The following IL16 variants were observed in gnomAD, a reference collection of about 807,000 sequenced individuals.
IL16 encodes pro-interleukin-16.
A neutral mutation model predicts 110.1 loss-of-function variants in IL16; 67 were observed. That is an observed-to-expected ratio of 0.61 (90% CI 0.50 to 0.75). IL16 has a LOEUF of 0.75. IL16 is among the 30% of genes least tolerant of loss of function. The pLI is 0.00. For missense variants in IL16, 1,545 were observed against 1,655.0 expected, an observed-to-expected ratio of 0.93 and a Z score of 1.15; for synonymous variants, 689 against 662.9, an observed-to-expected ratio of 1.04 and a Z score of -0.61.
At chr15:81,278,470 C>T (rs1442360812) in intron 6 of IL16, among the ~76,000 whole-genome samples, 1 of 152,088 alleles carries the variant, frequency 6.6e-6, no homozygotes, top group Non-Finnish European at 1.5e-5. Context: ...AAATGCAGGT[C>T]GTGTTGCATC....
In IL16 at chr15:81,306,059, C is replaced by T. The variant is rs1567048508; in HGVS notation, c.3572C>T (p.Ala1191Val). The T allele has an allele frequency of 1.9e-6, 3 of 1,614,224 alleles. No homozygotes were observed. The highest frequency in any genetic ancestry group is 2.5e-6 in the Non-Finnish European group (3 of 1,180,044). Residue 1191 changes from alanine to valine, a missense_variant, in exon 17 of 19, where the codon GCT (alanine) becomes GTT (valine). Around this residue, in one of 3 missense-constraint regions of IL16, gnomAD observed 356 missense variants for 399.3 expected, o/e 0.89. Transcript: ENST00000683961. The part of the protein sequence containing the change: ...ILRQAREPRQ[A>V]VIVTRKLTPE... ...CGCCAAGCTCGAGAGCCCAGGCAAGCTGTGATTGTCACAAGGAAGCTGACT... is the reference window on the plus strand; with the variant it reads ...CGCCAAGCTCGAGAGCCCAGGCAAGTTGTGATTGTCACAAGGAAGCTGACT...
chr15:81,290,340 T>A, intron 10 of IL16, 113 bp from the exon 11 acceptor site: 1 of 642,438 alleles, frequency 1.6e-6, no homozygotes. Flanking sequence ...GCAGAGTGGG[T>A]TGAAATAAAA....
chr15:81,283,954 G>C (rs1899315128), intron 9 of IL16, among the ~76,000 whole-genome samples: 1 of 140,890 alleles, frequency 7.1e-6, no homozygotes, highest in African/African-American at 2.7e-5. Context: ...AGTAAGCCAA[G>C]ATCGCACCAT....
At position 81,198,228 on chromosome 15, in the gene IL16, C is replaced by G. The variant is rs1192172185; in HGVS notation, c.-102+1076C>G. Among the ~76,000 whole-genome samples, 5 of 152,276 alleles carry G rather than the reference C, an allele frequency of 3.3e-5. No homozygotes were observed. In the South Asian group the frequency reaches 8.3e-4, roughly 25 times the overall value. ...GTACCCCAACCATTTCCTGGCCACT[C>G]TTCAAGCCCCAGGCACCAAGCTAAA... On this transcript the variant is annotated intron_variant, in intron 1 of 18. Coordinates refer to ENST00000683961, the MANE Select transcript of IL16 (RefSeq NM_172217.5).
At chr15:81,229,891 G>A (rs368493444) in intron 2 of IL16, among the ~76,000 whole-genome samples, 1 of 152,166 alleles carries the variant, frequency 6.6e-6, no homozygotes, top group Non-Finnish European at 1.5e-5. Context: ...CTGGAATGAG[G>A]CCCTGTGATG....
intron 5 of IL16, among the ~76,000 whole-genome samples, chr15:81,272,821 C>G (rs556886841): frequency 6.6e-6 from 1 of 152,194 alleles, no homozygotes; most frequent in African/African-American, 2.4e-5. Flanking sequence ...TCCAGCCTCC[C>G]TCTGTGTGGG....
chr15:81,201,974 G>T (rs1895833835), intron 1 of IL16, among the ~76,000 whole-genome samples: 1 of 152,204 alleles, frequency 6.6e-6, no homozygotes, highest in Non-Finnish European at 1.5e-5. Context: ...CAATTCATCA[G>T]ATTTGAACCA....
chr15:81,189,277 T>C (rs1229761214), intron 1 of IL16, among the ~76,000 whole-genome samples: 1 of 151,864 alleles, frequency 6.6e-6, no homozygotes, highest in African/African-American at 2.4e-5. Context: ...GAGCCTGCCA[T>C]CGTGCCCGGC....
chr15:81,290,459 G>A lies in IL16; in HGVS notation c.1339G>A (p.Glu447Lys). The change falls in exon 11 of 19, where the codon GAA (glutamate) becomes AAA (lysine). Residue 447 changes from glutamate (E) to lysine (K), a missense_variant. Physicochemically the swap from Glu to Lys is moderately conservative, Grantham distance 56. Coordinates refer to ENST00000683961, the MANE Select transcript of IL16 (RefSeq NM_172217.5). ...GATGACTGATATTTTCTAGGTCTCT[G>A]AACAGCAACTCAAAGAAGCTGTGGC... is the stretch of plus-strand genomic sequence containing the variant. ...VSRHPDPQVS[E>K]QQLKEAVAQA... 1 of 1,612,114 alleles carries A rather than the reference G, an allele frequency of 6.2e-7. No individual in the cohort carries two copies. The highest frequency in any genetic ancestry group is 2.2e-5 in the East Asian group (1 of 44,728).
At chr15:81,268,066 G>C (rs550724800) in intron 4 of IL16, among the ~76,000 whole-genome samples, 1 of 152,342 alleles carries the variant, frequency 6.6e-6, no homozygotes, top group Non-Finnish European at 1.5e-5. Context: ...GAGGAGGAGA[G>C]GGAGTTATCA....
chr15:81,186,329 A>G (rs565230864), intron 1 of IL16, among the ~76,000 whole-genome samples: 13 of 152,338 alleles, frequency 8.5e-5, no homozygotes. Flanking sequence ...GTGAACCAAA[A>G]CAAGACACAG....
intron 3 of IL16, among the ~76,000 whole-genome samples, chr15:81,262,831 T>C (rs1898212078): frequency 6.6e-6 from 1 of 152,170 alleles, no homozygotes; most frequent in African/African-American, 2.4e-5. Context: ...CTCAGGAGGC[T>C]GAGGCAGGAG....
Position 81,313,550 on chromosome 15 carries a change from G to GGAC in IL16, c.*4752_*4753insGAC. The GGAC allele has an allele frequency of 3.0e-6, 2 of 670,014 alleles. No individual in the cohort carries two copies. The highest frequency in any genetic ancestry group is 1.9e-5 in the African/African-American group (1 of 53,706). 41.5% of individuals were successfully genotyped at this position (670,014 alleles called of 1,614,324 possible). On this transcript the variant is annotated 3_prime_UTR_variant, in exon 19 of 19. Transcript: ENST00000683961. ...CCCTTGCTGTGCCCTCCACCCAGGA[G>GGAC]TCCTCTCTGGACCTGCTGATTTTCA...
intron 2 of IL16, among the ~76,000 whole-genome samples, chr15:81,232,042 G>GTTTTTT: frequency 6.9e-5 from 4 of 57,692 alleles, no homozygotes; most frequent in African/African-American, 2.6e-4. Context: ...ATTTGTTCTT[G>GTTTTTT]TTTTTTTTTT....
chr15:81,296,297 C>T (rs538692714), intron 12 of IL16, among the ~76,000 whole-genome samples: 1 of 152,308 alleles, frequency 6.6e-6, no homozygotes, highest in East Asian at 1.9e-4. Context: ...TTCATCTTGT[C>T]CCTAGGCTGT....
At chr15:81,287,396 A>C (rs1408723827) in intron 10 of IL16, among the ~76,000 whole-genome samples, 2 of 152,230 alleles carry the variant, frequency 1.3e-5, no homozygotes, top group East Asian at 3.8e-4. Context: ...GATAGCAACT[A>C]TAACAGGAAC....
chr15:81,299,740 A>G lies in IL16; in HGVS notation c.2414A>G (p.Asp805Gly). ...AAAGGTTTGAGGAATCGTGCTTCAG[A>G]CCCAAGAGGGCTCCCTGATCCTGCC... Reference protein sequence around the residue: ...SLKGLRNRASDPRGLPDPALS... With the variant: ...SLKGLRNRASGPRGLPDPALS... Residue 805 changes from aspartate to glycine, a missense_variant, in exon 14 of 19, where the codon GAC (aspartate) becomes GGC (glycine). Coordinates refer to ENST00000683961, the MANE Select transcript of IL16 (RefSeq NM_172217.5). 5 of 1,614,114 alleles carry G rather than the reference A, an allele frequency of 3.1e-6. No individual in the cohort carries two copies. Among genetic ancestry groups the G allele is most frequent in the Non-Finnish European group, 4.2e-6 (5 of 1,180,012 alleles).
chr15:81,209,010 G>A (rs1294747126), intron 1 of IL16, among the ~76,000 whole-genome samples: 1 of 152,192 alleles, frequency 6.6e-6, no homozygotes, highest in Non-Finnish European at 1.5e-5. Context: ...AGTGCACATA[G>A]TAATTGCTTG....
At chr15:81,276,961 G>A (rs1420919456) in intron 6 of IL16, among the ~76,000 whole-genome samples, 1 of 151,756 alleles carries the variant, frequency 6.6e-6, no homozygotes, top group Non-Finnish European at 1.5e-5. Context: ...CTATAGAATT[G>A]CTATGTTTAA....
Sources: allele counts gnomAD v4.1 joint callset (sites outside exome capture counted in the v4.1 genomes callset), GRCh38; gene constraint gnomAD v4.1.1; regional missense constraint gnomAD v4.1.1; transcripts MANE v1.5; gene names NCBI Gene and HGNC (gene_info 2026-07-23, HGNC 2026-07-21).